ZNF44: variants seen among roughly 807,000 people sequenced by gnomAD.
ZNF44 encodes zinc finger protein 44, also known as gonadotropin inducible transcription repressor-2.
In ZNF44, 9 loss-of-function variants were observed where a neutral mutation model predicts 11.7. That is an observed-to-expected ratio of 0.77 (90% CI 0.46 to 1.35). ZNF44 has a LOEUF of 1.35. Among genes scored for constraint, ZNF44 ranks in the 40% most tolerant of loss-of-function variants. The pLI is 0.00. For missense variants in ZNF44, 696 were observed against 743.1 expected, an observed-to-expected ratio of 0.94 and a Z score of 0.74; for synonymous variants, 224 against 242.7, an observed-to-expected ratio of 0.92 and a Z score of 0.72.
In ZNF44 at chr19:12,273,812, T is replaced by A; in HGVS notation, c.443A>T (p.Lys148Ile). 6.2e-7 allele frequency: 1 copy of A among 1,614,232 alleles called. No individual in the cohort carries two copies. The highest frequency in any genetic ancestry group is 8.5e-7 in the Non-Finnish European group (1 of 1,180,042). ...EKSYTHKQCG[K>I]GLSYRHSFQT... ...AAAGGAGTGGCGATAACTTAAGCCTTTCCCACACTGCTTATGTGTATATGA... is the reference window on the plus strand; with the variant it reads ...AAAGGAGTGGCGATAACTTAAGCCTATCCCACACTGCTTATGTGTATATGA... Residue 148 changes from lysine to isoleucine, a missense_variant, in exon 4 of 4, where the codon AAA (lysine) becomes ATA (isoleucine). By Grantham distance (102) the Lys-to-Ile change is moderately radical. Transcript: ENST00000355684.
intron 2 of ZNF44, among the ~76,000 whole-genome samples, chr19:12,234,103 A>G (rs1916279545): frequency 6.6e-6 from 1 of 151,822 alleles, no homozygotes; most frequent in Admixed American, 6.6e-5. Context: ...TTAGTGGTTC[A>G]TTAATAGGTT....
chr19:12,272,423 C>T lies in ZNF44; in HGVS notation c.1832G>A (p.Trp611Ter). 2 of 1,551,982 alleles carry T rather than the reference C, an allele frequency of 1.3e-6. No homozygotes were observed. Among genetic ancestry groups the T allele is most frequent in the Non-Finnish European group, 1.7e-6 (2 of 1,154,302 alleles). The change falls in exon 4 of 4, where the codon TGG (tryptophan) becomes TAG (stop). Residue 611 changes from tryptophan (W) to a stop codon, truncating the protein, a stop_gained. Coordinates refer to ENST00000355684, the MANE Select transcript of ZNF44 (RefSeq NM_016264.4). LOFTEE classifies it low-confidence loss of function (END_TRUNC). ...TCCATACACTTATAGAATATCCTTCCAGTGTGTCCTTTTATGTCTATTAAA... is the reference window on the plus strand; with the variant it reads ...TCCATACACTTATAGAATATCCTTCTAGTGTGTCCTTTTATGTCTATTAAA... Reference protein sequence around the residue: ...SSFNRHKRTHWKDIL With the variant: ...SSFNRHKRTH
At chr19:12,291,181 G>A (rs999947875) in intron 1 of ZNF44, 3 of 438,244 alleles carry the variant, frequency 6.8e-6, no homozygotes, top group African/African-American at 2.0e-5. Context: ...CCCACAGAAT[G>A]TTGCATTAAT....
downstream of ZNF44, among the ~76,000 whole-genome samples, chr19:12,268,830 C>T (rs1398880602): frequency 9.2e-5 from 14 of 151,832 alleles, no homozygotes; most frequent in Admixed American, 9.2e-4. Context: ...TCCAATCTCA[C>T]CCTGCCAAGC....
Position 12,272,160 on chromosome 19 carries a change from CTA to C in ZNF44, c.*245_*246del, listed in dbSNP as rs77104219. The C allele has an allele frequency of 2.5e-6, 1 of 393,334 alleles. No individual in the cohort carries two copies. The allele number at this position is 393,334 out of a possible 1,614,324, so 24.4% of individuals were successfully genotyped here. ...TACAGGTGTGAGCAACTATGCCTGGCTATTTTTTTTTTTTTCCGTATTTTTAG... is the reference window on the plus strand; with the variant it reads ...TACAGGTGTGAGCAACTATGCCTGGCTTTTTTTTTTTTTCCGTATTTTTAG... On this transcript the variant is annotated 3_prime_UTR_variant, in exon 4 of 4. Coordinates refer to ENST00000355684, the MANE Select transcript of ZNF44 (RefSeq NM_016264.4).
chr19:12,283,800 A>C (rs1967596024), intron 1 of ZNF44, among the ~76,000 whole-genome samples: 1 of 152,194 alleles, frequency 6.6e-6, no homozygotes, highest in African/African-American at 2.4e-5. Flanking sequence ...GGAACTCTTG[A>C]GGCCAGGAAT....
At chr19:12,249,190 G>A (rs1237244930) in intron 7 of ZNF44, among the ~76,000 whole-genome samples, 1 of 151,252 alleles carries the variant, frequency 6.6e-6, no homozygotes, top group Non-Finnish European at 1.5e-5. Context: ...CCTGGACCAT[G>A]AACATCTATG....
intron 5 of ZNF44, chr19:12,260,242 A>G (rs1917447397): frequency 1.2e-6 from 1 of 804,482 alleles, no homozygotes; most frequent in Admixed American, 1.7e-5. Context: ...TCCTTCCGCT[A>G]CAACGGGCTG....
Position 12,235,699 on chromosome 19 carries a change from C to G in ZNF44, n.139-791G>C, listed in dbSNP as rs1916361648. On this transcript the variant is annotated intron_variant and non_coding_transcript_variant, in intron 1 of 3. Coordinates refer to the ZNF44 transcript ENST00000597563. The stretch of plus-strand genomic sequence containing the variant: ...AGGTGCGGTGGCTCATGCCTGTAAT[C>G]CCAGCACTTTGAGAGGCTGAAAAGA... Among the ~76,000 whole-genome samples, 3 of 152,136 alleles carry G rather than the reference C, an allele frequency of 2.0e-5. No homozygotes were observed. In the South Asian group the frequency reaches 6.2e-4, roughly 32 times the overall value.
intron 1 of ZNF44, among the ~76,000 whole-genome samples, chr19:12,289,921 G>A (rs529547317): frequency 1.5e-4 from 23 of 149,174 alleles, no homozygotes; most frequent in East Asian, 4.3e-4. Flanking sequence ...GTGAGCCACC[G>A]TGCCTGGCCT....
Position 12,272,585 on chromosome 19 carries a change from T to G in ZNF44, c.1670A>C (p.Glu557Ala), listed in dbSNP as rs1315442385. 1 of 1,613,336 alleles carries G rather than the reference T, an allele frequency of 6.2e-7. No homozygotes were observed. The highest frequency in any genetic ancestry group is 1.1e-5 in the South Asian group (1 of 90,926). The change falls in exon 4 of 4, where the codon GAA becomes GCA. Residue 557 changes from glutamate (E) to alanine (A), a missense_variant. Coordinates refer to ENST00000355684, the MANE Select transcript of ZNF44 (RefSeq NM_016264.4). Reference protein sequence around the residue: ...LLRHERTHTGERPYECKHCGK... With the variant: ...LLRHERTHTGARPYECKHCGK... ...ACAGTGTTTACATTCATAGGGTCTT[T>G]CTCCAGTGTGAGTCCTTTCATGTCT...
chr19:12,229,911 CAGGAAGAAAGATTT>C (rs908840354), intron 3 of ZNF44, among the ~76,000 whole-genome samples: 43 of 152,212 alleles, frequency 2.8e-4, no homozygotes, highest in African/African-American at 8.2e-4. Flanking sequence ...CACGCTCAGC[CAGGAAGAAAGATTT>C]AGGAAGAAAG....
At chr19:12,292,583 C>T (rs904161312) in intron 1 of ZNF44, among the ~76,000 whole-genome samples, 2 of 152,118 alleles carry the variant, frequency 1.3e-5, no homozygotes, top group East Asian at 1.9e-4. Flanking sequence ...CTGGCACATC[C>T]GCCAGCCCCA....
chr19:12,273,906 A>G lies in ZNF44; in HGVS notation c.349T>C (p.Ser117Pro). ...VNGEVIMGHS[S>P]LNCYIRVDTG... ...TCAACTCTGATGTAGCAATTCAGGG[A>G]TGAATGACCCATTATGACTTCTCCA... The change falls in exon 4 of 4, where the codon TCC becomes CCC. Residue 117 changes from serine (S) to proline (P), a missense_variant. Physicochemically the swap from Ser to Pro is moderately conservative, Grantham distance 74 (BLOSUM62 -1). Transcript: ENST00000355684. 1 of 1,614,176 alleles carries G rather than the reference A, an allele frequency of 6.2e-7. No individual in the cohort carries two copies. Among genetic ancestry groups the G allele is most frequent in the Non-Finnish European group, 8.5e-7 (1 of 1,180,024 alleles).
intron 5 of ZNF44, among the ~76,000 whole-genome samples, chr19:12,263,102 G>A (rs147425195): frequency 8.2e-4 from 120 of 146,594 alleles, no homozygotes; most frequent in Middle Eastern, 3.6e-3. Flanking sequence ...TTTTTTTTCC[G>A]GAGACGGAGT....
At chr19:12,227,874 C>G (rs1407409694) in intron 3 of ZNF44, among the ~76,000 whole-genome samples, 3 of 152,124 alleles carry the variant, frequency 2.0e-5, no homozygotes, top group African/African-American at 7.2e-5. Flanking sequence ...CCAAATTTTA[C>G]CATTATAGTA....
At chr19:12,259,779 C>T (rs1007600909) in intron 5 of ZNF44, among the ~76,000 whole-genome samples, 1 of 152,228 alleles carries the variant, frequency 6.6e-6, no homozygotes, top group Non-Finnish European at 1.5e-5. Flanking sequence ...TATGCCACAA[C>T]TATGCCATGG....
chr19:12,292,918 C>G (rs975242693), intron 1 of ZNF44, among the ~76,000 whole-genome samples: 1 of 130,546 alleles, frequency 7.7e-6, no homozygotes, highest in Admixed American at 9.5e-5. Context: ...GGCTGGAGTG[C>G]AATGGCATGA....
At chr19:12,281,897 A>AG (rs1257236405) in intron 1 of ZNF44, among the ~76,000 whole-genome samples, 1 of 152,246 alleles carries the variant, frequency 6.6e-6, no homozygotes, top group Non-Finnish European at 1.5e-5. Flanking sequence ...TAAATGTCCC[A>AG]GAAAAAATAA....
Sources: allele counts gnomAD v4.1 joint callset (sites outside exome capture counted in the v4.1 genomes callset), GRCh38; gene constraint gnomAD v4.1.1; transcripts MANE v1.5; gene names NCBI Gene and HGNC (gene_info 2026-07-23, HGNC 2026-07-21).